The following NUDT3 variants were observed in gnomAD, a reference collection of about 807,000 sequenced individuals.
NUDT3 encodes the protein diphosphoinositol polyphosphate phosphohydrolase 1.
Under a neutral mutation model 23.6 loss-of-function variants are expected in NUDT3, and 9 were observed. That is an observed-to-expected ratio of 0.38 (90% CI 0.23 to 0.66). The LOEUF is 0.66. Among genes scored for constraint, NUDT3 ranks in the 30% least tolerant of loss-of-function variants. NUDT3 has a pLI of 0.52. For synonymous variants in NUDT3, 86 were observed against 82.6 expected (o/e 1.04, Z -0.22); for missense variants, 172 against 218.5 (o/e 0.79, Z 1.34).
chr6:34,343,784 T>C (rs1764324028), intron 1 of NUDT3, among the ~76,000 whole-genome samples: 2 of 152,084 alleles, frequency 1.3e-5, no homozygotes, highest in South Asian at 4.1e-4. Context: ...ACAAAGGACA[T>C]AATCAGGAAT....
intron 1 of NUDT3, among the ~76,000 whole-genome samples, chr6:34,382,344 A>G (rs1765033876): frequency 6.6e-6 from 1 of 152,098 alleles, no homozygotes; most frequent in Non-Finnish European, 1.5e-5. Flanking sequence ...TTGGGGCTGC[A>G]TTGAGCTATG....
intron 2 of NUDT3, among the ~76,000 whole-genome samples, chr6:34,298,168 C>A (rs371472057): frequency 2.6e-5 from 4 of 151,982 alleles, no homozygotes; most frequent in African/African-American, 7.3e-5. Context: ...TCGAGACCAG[C>A]CTGGGCAATA....
rs549021102 is a variant in NUDT3 at position 34,373,355 on chromosome 6, T to G, written c.99+18909A>C. On this transcript the variant is annotated intron_variant, in intron 1 of 4. Coordinates refer to ENST00000607016, the MANE Select transcript of NUDT3 (RefSeq NM_006703.4). ...TATATGTGAATTTAATGTTATAAAATTTAAAGCCAGAATGATTAAAGAGAA... is the reference window on the plus strand; with the variant it reads ...TATATGTGAATTTAATGTTATAAAAGTTAAAGCCAGAATGATTAAAGAGAA... 3.1e-5 allele frequency among the ~76,000 whole-genome samples: 3 copies of G among 95,776 alleles called. No individual in the cohort carries two copies. The East Asian group carries it at 1.7e-3, about 54-fold the overall frequency. The allele number at this position is 95,776 out of a possible 152,430, so 62.8% of individuals were successfully genotyped here. A position where few individuals can be genotyped will look rare whatever the true frequency, so the allele number is the denominator to read the frequency against.
At chr6:34,365,275 C>T (rs201947922) in intron 1 of NUDT3, among the ~76,000 whole-genome samples, 3 of 150,632 alleles carry the variant, frequency 2.0e-5, no homozygotes, top group East Asian at 3.9e-4. Flanking sequence ...ACTAAAAATA[C>T]AAAAATTAGC....
At chr6:34,297,504 T>C (rs1481645054) in intron 2 of NUDT3, among the ~76,000 whole-genome samples, 3 of 151,042 alleles carry the variant, frequency 2.0e-5, no homozygotes, top group Non-Finnish European at 2.9e-5. Context: ...AGGAGAGCTG[T>C]TGGGGCAGAT....
At chr6:34,375,513 A>G (rs959048638) in intron 1 of NUDT3, among the ~76,000 whole-genome samples, 1 of 152,142 alleles carries the variant, frequency 6.6e-6, no homozygotes, top group Non-Finnish European at 1.5e-5. Flanking sequence ...CCCTTATAAA[A>G]CTATCACTTC....
intron 2 of NUDT3, among the ~76,000 whole-genome samples, chr6:34,332,133 C>T (rs965564665): frequency 1.3e-5 from 2 of 151,984 alleles, no homozygotes; most frequent in Admixed American, 6.6e-5. Context: ...CCACCATGTC[C>T]GGTGGGTATA....
intron 1 of NUDT3, among the ~76,000 whole-genome samples, chr6:34,379,541 CAGAG>C (rs1009957956): frequency 6.6e-6 from 1 of 151,308 alleles, no homozygotes; most frequent in African/African-American, 2.4e-5. Flanking sequence ...GCCTGGGCGA[CAGAG>C]AGAGACTCCA....
At chr6:34,312,997 T>C (rs1435313126) in intron 2 of NUDT3, among the ~76,000 whole-genome samples, 1 of 151,852 alleles carries the variant, frequency 6.6e-6, no homozygotes, top group Non-Finnish European at 1.5e-5. Flanking sequence ...CGAAACCCCC[T>C]CTCTACTAAA....
At chr6:34,310,295 C>T (rs758867578) in intron 2 of NUDT3, among the ~76,000 whole-genome samples, 2 of 151,766 alleles carry the variant, frequency 1.3e-5, no homozygotes, top group African/African-American at 2.4e-5. Flanking sequence ...TTTGGGAGGC[C>T]GAGGCAGGAG....
At chr6:34,352,057 C>T (rs537664107) in intron 1 of NUDT3, among the ~76,000 whole-genome samples, 7 of 152,114 alleles carry the variant, frequency 4.6e-5, no homozygotes, top group Admixed American at 3.9e-4. Context: ...CAAAAAAAAA[C>T]TTATAATTGG....
rs375264587 is a variant in NUDT3, at chr6:34,331,788, T to C, written c.210+10074A>G. Among the ~76,000 whole-genome samples, 27 of 152,340 alleles carry C rather than the reference T, an allele frequency of 1.8e-4. No homozygotes were observed. The South Asian group carries it at 5.2e-3, about 29-fold the overall frequency. On this transcript the variant is annotated intron_variant, in intron 2 of 4. Transcript: ENST00000607016. Reference sequence around the variant, plus strand: ...TTGTTCCCTTGTATTTCCTAAACAATATAGTATAACTACAGTTGATCCTTG... The same window carrying C: ...TTGTTCCCTTGTATTTCCTAAACAACATAGTATAACTACAGTTGATCCTTG...
intron 2 of NUDT3, among the ~76,000 whole-genome samples, chr6:34,319,888 T>C (rs1159407990): frequency 1.6e-4 from 25 of 152,100 alleles, no homozygotes; most frequent in Admixed American, 1.6e-3. Context: ...AGAGATTCTG[T>C]TTTCTGAGGC....
chr6:34,322,661 T>C (rs1168785042), intron 2 of NUDT3, among the ~76,000 whole-genome samples: 3 of 152,176 alleles, frequency 2.0e-5, no homozygotes, highest in African/African-American at 7.2e-5. Context: ...TAAGGCCTAG[T>C]GAGGAAACAA....
Position 34,280,284 on chromosome 6 carries a change from G to A in NUDT3, c.*8469C>T, listed in dbSNP as rs1763266515. 1 of 152,230 alleles carries A rather than the reference G, an allele frequency of 6.6e-6. No individual in the cohort carries two copies. The highest frequency in any genetic ancestry group is 6.6e-5 in the Admixed American group (1 of 15,266). 9.4% of individuals were successfully genotyped at this position (152,230 alleles called of 1,614,324 possible). A position where few individuals can be genotyped will look rare whatever the true frequency, so the allele number is the denominator to read the frequency against. On this transcript the variant is annotated 3_prime_UTR_variant, in exon 5 of 5. Coordinates refer to ENST00000607016, the MANE Select transcript of NUDT3 (RefSeq NM_006703.4). The stretch of plus-strand genomic sequence containing the variant: ...ACGGGGAAGAGGCCAGCCCTGAGCG[G>A]GCAAGAAGAAAAGCTTGAACTTTCC...
intron 1 of NUDT3, among the ~76,000 whole-genome samples, chr6:34,358,285 A>G (rs1764594599): frequency 6.6e-6 from 1 of 151,842 alleles, no homozygotes; most frequent in Non-Finnish European, 1.5e-5. Flanking sequence ...ACACACACAC[A>G]CACACACCCC....
intron 1 of NUDT3, among the ~76,000 whole-genome samples, chr6:34,366,625 A>G (rs929021804): frequency 3.5e-4 from 53 of 151,672 alleles, no homozygotes; most frequent in African/African-American, 1.2e-3. Context: ...TGGCATGATC[A>G]TAGCTCACTG....
intron 2 of NUDT3, among the ~76,000 whole-genome samples, chr6:34,298,127 C>T (rs907577824): frequency 1.3e-5 from 2 of 151,886 alleles, no homozygotes; most frequent in African/African-American, 4.8e-5. Context: ...TTTGGGAGGC[C>T]GAGGTAGGTG....
intron 1 of NUDT3, among the ~76,000 whole-genome samples, chr6:34,366,777 T>G (rs1219390010): frequency 1.3e-5 from 2 of 152,100 alleles, no homozygotes; most frequent in Non-Finnish European, 2.9e-5. Flanking sequence ...AAAACGTTCT[T>G]GAGATGGACA....
Sources: allele counts gnomAD v4.1 joint callset (sites outside exome capture counted in the v4.1 genomes callset), GRCh38; gene constraint gnomAD v4.1.1; transcripts MANE v1.5; gene names NCBI Gene and HGNC (gene_info 2026-07-23, HGNC 2026-07-21).